IGSF21: variants seen among roughly 807,000 people sequenced by gnomAD.
IGSF21 encodes immunoglobin superfamily member 21.
IGSF21 carries 28 observed loss-of-function variants against 46.8 expected under a neutral mutation model. The ratio of observed to expected loss-of-function variants is 0.60; its 90% CI spans 0.44 to 0.82. The LOEUF (loss-of-function observed/expected upper bound fraction) is 0.82. Among genes scored for constraint, IGSF21 ranks in the 40% least tolerant of loss-of-function variants. IGSF21 has a pLI of 0.00. For synonymous variants in IGSF21, 284 were observed against 273.6 expected (o/e 1.04, Z -0.38); for missense variants, 624 against 665.5 (o/e 0.94, Z 0.69).
chr1:18,146,677 G>C (rs2086469712), intron 1 of IGSF21, among the ~76,000 whole-genome samples: 1 of 152,094 alleles, frequency 6.6e-6, no homozygotes, highest in Non-Finnish European at 1.5e-5. Context: ...TTGGTTTCTG[G>C]CCAAGGTTGT....
At chr1:18,207,691 T>C (rs1018240649) in intron 1 of IGSF21, among the ~76,000 whole-genome samples, 1 of 152,214 alleles carries the variant, frequency 6.6e-6, no homozygotes, top group African/African-American at 2.4e-5. Flanking sequence ...AAGCAAGTAC[T>C]GGATTTGGTA....
intron 1 of IGSF21, chr1:18,114,840 T>G (rs1398033496): frequency 6.6e-6 from 1 of 152,170 alleles, no homozygotes; most frequent in East Asian, 1.9e-4. Context: ...CCTCAACCCA[T>G]TGCTGGACTT....
chr1:18,136,358 C>T (rs1434230060), intron 1 of IGSF21, among the ~76,000 whole-genome samples: 1 of 152,122 alleles, frequency 6.6e-6, no homozygotes, highest in Non-Finnish European at 1.5e-5. Context: ...AATGGTATTG[C>T]CTAGGTTTTC....
chr1:18,286,032 C>T (rs536836456), intron 2 of IGSF21, among the ~76,000 whole-genome samples: 1 of 152,286 alleles, frequency 6.6e-6, no homozygotes, highest in South Asian at 2.1e-4. Context: ...GAAACAGGCA[C>T]ACAGAACCCT....
chr1:18,187,383 G>A (rs1181871886), intron 1 of IGSF21, among the ~76,000 whole-genome samples: 1 of 152,222 alleles, frequency 6.6e-6, no homozygotes. Context: ...TAAAGTAAAA[G>A]AGGTATAATA....
intron 6 of IGSF21, among the ~76,000 whole-genome samples, chr1:18,373,457 A>T (rs10907306): frequency 0.71 from 108,246 of 152,078 alleles, 38,766 homozygotes; most frequent in Admixed American, 0.77. Context: ...TGACAGCAGC[A>T]GGCTTGGCTT....
chr1:18,339,058 T>C (rs970547484), intron 4 of IGSF21, among the ~76,000 whole-genome samples: 11 of 152,194 alleles, frequency 7.2e-5, no homozygotes, highest in Non-Finnish European at 1.5e-4. Flanking sequence ...TGGGGCCCTT[T>C]CAACCCAAAG....
intron 1 of IGSF21, among the ~76,000 whole-genome samples, chr1:18,225,763 C>T (rs570600598): frequency 2.0e-5 from 3 of 152,322 alleles, no homozygotes; most frequent in East Asian, 1.9e-4. Context: ...CAATGCCCAT[C>T]CTCCATCTTT....
chr1:18,360,529 G>T (rs1392337491), intron 4 of IGSF21, among the ~76,000 whole-genome samples: 1 of 152,164 alleles, frequency 6.6e-6, no homozygotes, highest in Non-Finnish European at 1.5e-5. Flanking sequence ...CCTAGTAGGT[G>T]TCAGGAAATG....
chr1:18,355,829 C>CT (rs61589417), intron 4 of IGSF21, among the ~76,000 whole-genome samples: 1,687 of 88,666 alleles, frequency 0.019, 33 homozygotes, highest in African/African-American at 0.044. Context: ...TGTCTAGACT[C>CT]TTTTTTTTTT....
intron 2 of IGSF21, among the ~76,000 whole-genome samples, chr1:18,282,654 A>ACG (rs949215111): frequency 1.1e-4 from 17 of 151,862 alleles, no homozygotes; most frequent in African/African-American, 3.9e-4. Context: ...ACACACACAC[A>ACG]CACACACACA....
intron 1 of IGSF21, among the ~76,000 whole-genome samples, chr1:18,146,053 A>G (rs144655638): frequency 3.9e-5 from 6 of 152,188 alleles, no homozygotes; most frequent in African/African-American, 1.4e-4. Context: ...CTTTGGGCAA[A>G]TACCTCACCC....
intron 1 of IGSF21, among the ~76,000 whole-genome samples, chr1:18,203,208 A>G (rs987788119): frequency 3.3e-5 from 5 of 152,226 alleles, no homozygotes; most frequent in African/African-American, 1.2e-4. Flanking sequence ...AGGTGGGGAA[A>G]GGCTCCAGGG....
At chr1:18,316,447 T>C (rs1226871506) in intron 3 of IGSF21, among the ~76,000 whole-genome samples, 2 of 152,184 alleles carry the variant, frequency 1.3e-5, no homozygotes, top group Admixed American at 1.3e-4. Context: ...TGCTCAGGGC[T>C]CTGCATGGAC....
At chr1:18,140,400 G>T (rs1278116773) in intron 1 of IGSF21, among the ~76,000 whole-genome samples, 1 of 152,146 alleles carries the variant, frequency 6.6e-6, no homozygotes, top group Non-Finnish European at 1.5e-5. Context: ...TCCCGAATAA[G>T]CTACCTGCAT....
intron 1 of IGSF21, among the ~76,000 whole-genome samples, chr1:18,219,047 A>G (rs182004329): frequency 6.6e-6 from 1 of 152,368 alleles, no homozygotes; most frequent in East Asian, 1.9e-4. Flanking sequence ...TAACAGAGAA[A>G]AAAGTATTGA....
Position 18,246,321 on chromosome 1 carries a change from T to C in IGSF21, c.183+18311T>C, listed in dbSNP as rs143388095. ...CTCTTGCTGCCTCAGGTCCCACCCCTTCCTGCCTATAGATTTGCCCTTGGT... is the reference window on the plus strand; with the variant it reads ...CTCTTGCTGCCTCAGGTCCCACCCCCTCCTGCCTATAGATTTGCCCTTGGT... On this transcript the variant is annotated intron_variant, in intron 2 of 9. Coordinates refer to ENST00000251296, the MANE Select transcript of IGSF21 (RefSeq NM_032880.5). Among the ~76,000 whole-genome samples, 237 of 152,240 alleles carry C rather than the reference T, an allele frequency of 1.6e-3. 2 individuals carry two copies. Among genetic ancestry groups the C allele is most frequent in the African/African-American group, 5.5e-3 (230 of 41,564 alleles).
intron 3 of IGSF21, among the ~76,000 whole-genome samples, chr1:18,295,420 C>T (rs1557630019): frequency 6.6e-6 from 1 of 152,092 alleles, no homozygotes; most frequent in African/African-American, 2.4e-5. Context: ...GCAATCTAGT[C>T]GGAGAGACAT....
chr1:18,190,297 A>G (rs2124475472), intron 1 of IGSF21, among the ~76,000 whole-genome samples: 1 of 152,204 alleles, frequency 6.6e-6, no homozygotes, highest in Non-Finnish European at 1.5e-5. Context: ...GAGTACCGCA[A>G]TCTCCTGCAC....
Sources: gnomAD v4.1 joint callset for allele counts (sites outside exome capture counted in the v4.1 genomes callset) on GRCh38, gnomAD v4.1.1 for gene constraint, MANE v1.5 for transcripts, NCBI Gene and HGNC (gene_info 2026-07-23, HGNC 2026-07-21) for gene names.